The following SLC38A8 variants were observed in gnomAD, a reference collection of about 807,000 sequenced individuals.
SLC38A8 encodes solute carrier family 38 member 8, also known as amino acid transporter SLC38A8.
A neutral mutation model predicts 46.0 loss-of-function variants in SLC38A8; 65 were observed. The observed-to-expected ratio is 1.41, with a 90% CI of 1.16 to 1.74. The LOEUF (loss-of-function observed/expected upper bound fraction) is 1.74. SLC38A8 is among the 40% of genes most tolerant of loss of function. The probability of loss-of-function intolerance (pLI) is 0.00; values close to 1 mark genes in which losing one functional copy is unlikely to be tolerated. For missense variants in SLC38A8, 998 were observed against 567.9 expected (o/e 1.76, Z -7.70); for synonymous variants, 447 against 243.7 (o/e 1.83, Z -7.77).
intron 10 of SLC38A8, among the ~76,000 whole-genome samples, chr16:84,011,676 A>G (rs1260469161): frequency 6.6e-6 from 1 of 152,222 alleles, no homozygotes; most frequent in Non-Finnish European, 1.5e-5. Flanking sequence ...TTGAGAGAAG[A>G]TACAACCTAG....
chr16:84,027,730 T>G (rs2085181952), intron 6 of SLC38A8, among the ~76,000 whole-genome samples: 1 of 152,210 alleles, frequency 6.6e-6, no homozygotes, highest in Non-Finnish European at 1.5e-5. Context: ...CGGCATCCCG[T>G]GTCCCTGGAA....
intron 7 of SLC38A8, among the ~76,000 whole-genome samples, chr16:84,018,249 TTGAGACAGAGTCTCTCTC>T (rs2085055340): frequency 7.5e-6 from 1 of 134,042 alleles, no homozygotes; most frequent in Non-Finnish European, 1.5e-5. Context: ...TTTTTTTTTT[TTGAGACAGAGTCTCTCTC>T]TGTCGCCCAG....
intron 7 of SLC38A8, among the ~76,000 whole-genome samples, chr16:84,021,703 C>A (rs1361028585): frequency 6.6e-6 from 1 of 152,236 alleles, no homozygotes; most frequent in Non-Finnish European, 1.5e-5. Context: ...CATCAACACC[C>A]CACTCTTGAT....
intron 2 of SLC38A8, chr16:84,041,003 G>A (rs974094551): frequency 6.6e-6 from 1 of 152,242 alleles, no homozygotes; most frequent in Admixed American, 6.5e-5. Flanking sequence ...CAAACGGTTG[G>A]AACTCAGCCA....
chr16:84,027,278 A>G (rs1411011679), intron 6 of SLC38A8, among the ~76,000 whole-genome samples: 1 of 152,224 alleles, frequency 6.6e-6, no homozygotes, highest in Non-Finnish European at 1.5e-5. Flanking sequence ...TGAACCCAGG[A>G]GGCGGAGGCT....
At chr16:84,029,370 A>T in intron 6 of SLC38A8, 124 bp downstream of exon 6, 1 of 954,390 alleles carries the variant, frequency 1.0e-6, no homozygotes, top group Non-Finnish European at 1.6e-6. Flanking sequence ...CACAGAGCCC[A>T]CTGTATCCTA....
chr16:84,015,499 G>A (rs1452869920), intron 9 of SLC38A8, among the ~76,000 whole-genome samples: 1 of 151,980 alleles, frequency 6.6e-6, no homozygotes, highest in Non-Finnish European at 1.5e-5. Context: ...AAATCTTTTA[G>A]CAGGAGGCAC....
chr16:84,018,370 C>A (rs2085056791), intron 7 of SLC38A8, among the ~76,000 whole-genome samples: 1 of 151,792 alleles, frequency 6.6e-6, no homozygotes, highest in Admixed American at 6.6e-5. Flanking sequence ...GTAGCTGGGA[C>A]TACAGACGCC....
intron 10 of SLC38A8, among the ~76,000 whole-genome samples, chr16:84,012,465 G>A (rs937619741): frequency 6.6e-6 from 1 of 152,196 alleles, no homozygotes; most frequent in Non-Finnish European, 1.5e-5. Flanking sequence ...GGGAGCCAGG[G>A]GCCTGGGTTG....
intron 10 of SLC38A8, among the ~76,000 whole-genome samples, chr16:84,012,481 T>C (rs1490415348): frequency 6.6e-6 from 1 of 152,206 alleles, no homozygotes; most frequent in Non-Finnish European, 1.5e-5. Context: ...GGTTGCATCC[T>C]AGCTCTGTCC....
intron 6 of SLC38A8, among the ~76,000 whole-genome samples, chr16:84,024,820 G>A (rs980331255): frequency 6.6e-6 from 1 of 152,102 alleles, no homozygotes; most frequent in African/African-American, 2.4e-5. Flanking sequence ...CTTCCGAGTA[G>A]CTGGGATTAC....
At position 84,036,827 on chromosome 16, in the gene SLC38A8, T is replaced by C. The variant is rs1488889967; in HGVS notation, c.263A>G (p.Tyr88Cys). Residue 88 changes from tyrosine (Y) to cysteine (C), a missense_variant, in exon 3 of 11, where the codon TAC becomes TGC. Physicochemically the swap from Tyr to Cys is radical, Grantham distance 194. Coordinates refer to ENST00000299709, the MANE Select transcript of SLC38A8 (RefSeq NM_001080442.3). ...ACACAGCCCCCTGACCACACCCTGG[T>C]AGGTGGCCTGGCCACTGACAGCAGC... is the stretch of plus-strand genomic sequence containing the variant. ...YAAAVSGQAT[Y>C]QGVVRGLCGP... 2 of 1,613,878 alleles carry C rather than the reference T, an allele frequency of 1.2e-6. No homozygotes were observed.
At chr16:84,029,689 C>G in intron 5 of SLC38A8, 138 bp from the exon 6 acceptor site, 2 of 842,368 alleles carry the variant, frequency 2.4e-6, no homozygotes, top group Non-Finnish European at 3.8e-6. Flanking sequence ...ATGACTGTGT[C>G]CGTGACCGGG....
At chr16:84,012,912 T>G in intron 10 of SLC38A8, 89 bp downstream of exon 10, 56 of 1,400,802 alleles carry the variant, frequency 4.0e-5, no homozygotes, top group Non-Finnish European at 5.1e-5. Flanking sequence ...ATGCAGAGGA[T>G]GAGAAATAGG....
At chr16:84,025,407 C>T (rs1342496798) in intron 6 of SLC38A8, among the ~76,000 whole-genome samples, 2 of 152,224 alleles carry the variant, frequency 1.3e-5, no homozygotes, top group African/African-American at 4.8e-5. Flanking sequence ...CCTCTGCACC[C>T]TCCTGGGGAG....
intron 4 of SLC38A8, among the ~76,000 whole-genome samples, chr16:84,032,830 C>A (rs775775534): frequency 1.3e-4 from 18 of 136,602 alleles, no homozygotes; most frequent in Non-Finnish European, 2.9e-4. Context: ...CACAAAAAAA[C>A]AACCTCTGTG....
intron 4 of SLC38A8, among the ~76,000 whole-genome samples, chr16:84,032,212 G>T (rs574341555): frequency 6.6e-6 from 1 of 152,042 alleles, no homozygotes; most frequent in African/African-American, 2.4e-5. Flanking sequence ...TTTTTGAGAC[G>T]GAGTCTCGCT....
At chr16:84,032,124 G>A (rs1201913944) in intron 4 of SLC38A8, among the ~76,000 whole-genome samples, 156 bp from the exon 5 acceptor site, 1 of 152,210 alleles carries the variant, frequency 6.6e-6, no homozygotes, top group African/African-American at 2.4e-5. Flanking sequence ...TGTACAGGGG[G>A]CATGTGGGGC....
chr16:84,026,494 T>C (rs897518437), intron 6 of SLC38A8, among the ~76,000 whole-genome samples: 40 of 152,216 alleles, frequency 2.6e-4, no homozygotes, highest in South Asian at 2.1e-4. Context: ...CTTAAATTCC[T>C]GGGGTTACAG....
Sources: gnomAD v4.1 joint callset for allele counts (sites outside exome capture counted in the v4.1 genomes callset) on GRCh38, gnomAD v4.1.1 for gene constraint, MANE v1.5 for transcripts, NCBI Gene and HGNC (gene_info 2026-07-23, HGNC 2026-07-21) for gene names.